The following ARHGAP45 variants were observed in gnomAD, a reference collection of about 807,000 sequenced individuals.
The protein encoded by ARHGAP45 is rho GTPase-activating protein 45.
Under a neutral mutation model 116.1 loss-of-function variants are expected in ARHGAP45, and 56 were observed. The observed-to-expected ratio is 0.48, with a 90% confidence interval of 0.39 to 0.60. The LOEUF (loss-of-function observed/expected upper bound fraction) is 0.60. Ranked by LOEUF, ARHGAP45 falls within the 20% of genes least tolerant of loss-of-function variation. The pLI, the probability that ARHGAP45 is intolerant of heterozygous loss-of-function variation, is 0.00. For synonymous variants in ARHGAP45, 866 were observed against 701.7 expected, an observed-to-expected ratio of 1.23 and a Z score of -3.70; for missense variants, 1,622 against 1,601.0, an observed-to-expected ratio of 1.01 and a Z score of -0.22.
chr19:1,080,955 AG>A lies in ARHGAP45; in HGVS notation c.2085del (p.Leu696CysfsTer106), dbSNP rs1365649881. ...VAVPSGPFRH[E>X]GLSKAARTHR... ...GTGCCCAGTGGACCGTTCCGCCACGAGGGGCTGTCCAAGGCGGCCCGTACTC... is the reference window on the plus strand; with the variant it reads ...GTGCCCAGTGGACCGTTCCGCCACGAGGGCTGTCCAAGGCGGCCCGTACTC... On this transcript the variant is annotated frameshift_variant, in exon 17 of 23. Transcript: ENST00000313093. LOFTEE classifies it high-confidence loss of function. 6.2e-7 allele frequency: 1 copy of A among 1,609,340 alleles called. No individual in the cohort carries two copies. The highest frequency in any genetic ancestry group is 8.5e-7 in the Non-Finnish European group (1 of 1,178,516).
chr19:1,077,620 A>T (rs901718619), intron 10 of ARHGAP45: 2 of 1,386,778 alleles, frequency 1.4e-6, no homozygotes, highest in African/African-American at 2.9e-5. Context: ...TCCTGACCTC[A>T]AGTGATCCAC....
At position 1,072,248 on chromosome 19, in the gene ARHGAP45, C is replaced by T. The variant is rs187064111; in HGVS notation, c.422-901C>T. Among the ~76,000 whole-genome samples, 235 of 152,070 alleles carry T rather than the reference C, an allele frequency of 1.5e-3. 1 individual carries two copies. In the Middle Eastern group the frequency reaches 0.027, roughly 18 times the overall value. On this transcript the variant is annotated intron_variant, in intron 2 of 22. Coordinates refer to ENST00000313093, the MANE Select transcript of ARHGAP45 (RefSeq NM_012292.5). ...CTACTTTTTGTATTTTTAGTAGAGG[C>T]AGGGTTTCGCCATGTTGGCCAGGAT... is the stretch of plus-strand genomic sequence containing the variant.
intron 22 of ARHGAP45, among the ~76,000 whole-genome samples, chr19:1,084,674 G>C (rs1298491416): frequency 1.3e-5 from 2 of 152,230 alleles, no homozygotes; most frequent in Non-Finnish European, 2.9e-5. Context: ...TTCTAGAGAA[G>C]GGCGTGGGGC....
At chr19:1,084,454 C>T in intron 22 of ARHGAP45, 108 bp downstream of exon 22, 1 of 747,590 alleles carries the variant, frequency 1.3e-6, no homozygotes, top group Non-Finnish European at 2.2e-6. Context: ...CACGGTGCTG[C>T]ACATTCTGTG....
intron 2 of ARHGAP45, among the ~76,000 whole-genome samples, chr19:1,072,062 TCTTTC>T (rs1599753303): frequency 1.2e-5 from 1 of 85,788 alleles, no homozygotes; most frequent in East Asian, 2.5e-4. Flanking sequence ...TTCTTTCTTT[TCTTTC>T]CTTTCTTTTT....
In ARHGAP45 at chr19:1,082,822, A is replaced by G. The variant is rs777643483; in HGVS notation, c.2518-18A>G. The G allele has an allele frequency of 1.2e-5, 18 of 1,471,668 alleles. No individual in the cohort carries two copies. The East Asian group carries it at 4.1e-4, about 33-fold the overall frequency. The allele number at this position is 1,471,668 out of a possible 1,614,324, so 91.2% of individuals were successfully genotyped here. On this transcript the variant is annotated intron_variant, in intron 19 of 22. Transcript: ENST00000313093. ...GGGCCAGGCCCACCAACACCTGCTG[A>G]CCCTTGACTCTGCGCAGCTTCCCGA...
At chr19:1,085,517 C>T (rs1236820792) in intron 22 of ARHGAP45, 143 bp from the exon 23 acceptor site, 1 of 630,854 alleles carries the variant, frequency 1.6e-6, no homozygotes, top group African/African-American at 2.2e-5. Flanking sequence ...TCCTCCATCT[C>T]TCCTGTCTCT....
chr19:1,067,622 CGGGA>C, intron 1 of ARHGAP45, 127 bp downstream of exon 1: 3 of 950,076 alleles, frequency 3.2e-6, no homozygotes, highest in South Asian at 1.4e-5. Context: ...CCCTACCGGG[CGGGA>C]CGGCAGGGGC....
rs1472337640 is a variant in ARHGAP45, at chr19:1,067,398, G to A, written c.-8G>A. On this transcript the variant is annotated 5_prime_UTR_variant, in exon 1 of 23. Coordinates refer to ENST00000313093, the MANE Select transcript of ARHGAP45 (RefSeq NM_012292.5). ...CCGCCCCCTCGGGCTCCCGGCCGGG[G>A]CCCCATCATGTTCTCCAGGAAGAAA... 4 of 1,568,936 alleles carry A rather than the reference G, an allele frequency of 2.5e-6. No individual in the cohort carries two copies. The highest frequency in any genetic ancestry group is 3.8e-5 in the Admixed American group (2 of 52,200).
intron 22 of ARHGAP45, among the ~76,000 whole-genome samples, 191 bp from the exon 23 acceptor site, chr19:1,085,463 CTCCCCG>C: frequency 6.7e-6 from 1 of 150,030 alleles, no homozygotes; most frequent in South Asian, 2.1e-4. Flanking sequence ...CTCTCTCCTC[CTCCCCG>C]CCATGTCTCT....
At chr19:1,075,031 C>CG (rs1029269045) in intron 10 of ARHGAP45, 152 bp downstream of exon 10, 10 of 487,362 alleles carry the variant, frequency 2.1e-5, no homozygotes, top group East Asian at 1.5e-4. Context: ...TGGGCCGCCC[C>CG]CCCCAACGCC....
chr19:1,085,696 T>C lies in ARHGAP45; in HGVS notation c.3101T>C (p.Leu1034Pro). 6.3e-7 allele frequency: 1 copy of C among 1,598,806 alleles called. No homozygotes were observed. Among genetic ancestry groups the C allele is most frequent in the Non-Finnish European group, 8.5e-7 (1 of 1,171,032 alleles). Reference protein sequence around the residue: ...RVVSNDSDSDLEEASELLSSS... With the variant: ...RVVSNDSDSDPEEASELLSSS... ...GTGTCCAACGATTCGGACTCGGACC[T>C]AGAGGAGGCCTCCGAGCTGCTGTCC... The change falls in exon 23 of 23, where the codon CTA (leucine) becomes CCA (proline). Residue 1034 changes from leucine to proline, a missense_variant. By Grantham distance (98) the Leu-to-Pro change is moderately conservative. Transcript: ENST00000313093.
In ARHGAP45 at chr19:1,068,254, G is replaced by C. The variant is rs2043075754; in HGVS notation, c.91-160G>C. The C allele has an allele frequency of 3.3e-6, 2 of 604,466 alleles. No individual in the cohort carries two copies. The highest frequency in any genetic ancestry group is 5.7e-6 in the Non-Finnish European group (2 of 353,364). The allele number at this position is 604,466 out of a possible 1,614,324, so 37.4% of individuals were successfully genotyped here. A position where few individuals can be genotyped will look rare whatever the true frequency, so the allele number is the denominator to read the frequency against. ...AGAGGATGTTGGGTAACAGGTGGGG[G>C]GGTACACTACCAAATCTCGGCCCTG... is the stretch of plus-strand genomic sequence containing the variant. On this transcript the variant is annotated intron_variant, in intron 1 of 22. Coordinates refer to ENST00000313093, the MANE Select transcript of ARHGAP45 (RefSeq NM_012292.5). The surrounding 1 kb of genome is among the most constrained non-coding windows in gnomAD (Gnocchi z 7.5).
At position 1,086,070 on chromosome 19, in the gene ARHGAP45, C is replaced by A. The variant is rs1318246963; in HGVS notation, c.*64C>A. 5.0e-6 allele frequency: 7 copies of A among 1,411,452 alleles called. No individual in the cohort carries two copies. Among genetic ancestry groups the A allele is most frequent in the Non-Finnish European group, 6.9e-6 (7 of 1,016,570 alleles). The allele number at this position is 1,411,452 out of a possible 1,614,324, so 87.4% of individuals were successfully genotyped here. A position where few individuals can be genotyped will look rare whatever the true frequency, so the allele number is the denominator to read the frequency against. ...GCCTGCTCCTGTCCCTCCAGCACGT[C>A]CCCTGCACCACGGCATAGCTTAGGT... On this transcript the variant is annotated 3_prime_UTR_variant, in exon 23 of 23. Transcript: ENST00000313093.
chr19:1,077,354 T>TA (rs2043277482), intron 10 of ARHGAP45: 1 of 999,354 alleles, frequency 1.0e-6, no homozygotes. Context: ...AGTGTCCTGT[T>TA]ACGGGTGCCT....
At chr19:1,075,393 C>T (rs946256151) in intron 10 of ARHGAP45, among the ~76,000 whole-genome samples, 28 of 151,894 alleles carry the variant, frequency 1.8e-4, no homozygotes, top group African/African-American at 6.8e-4. Flanking sequence ...TACAGAAGCA[C>T]GCCACCACAC....
At position 1,077,901 on chromosome 19, in the gene ARHGAP45, G is replaced by A. The variant is rs770496791; in HGVS notation, c.1230G>A (p.Val410=). 6.4e-7 allele frequency: 1 copy of A among 1,554,566 alleles called. No homozygotes were observed. Among genetic ancestry groups the A allele is most frequent in the South Asian group, 1.2e-5 (1 of 84,316 alleles). ...SNLRKAKQGY[V]QRCEDHDKAR... is the part of the protein sequence containing the mutation. The stretch of plus-strand genomic sequence containing the variant: ...TGCGCAAGGCCAAGCAGGGTTACGT[G>A]CAGCGCTGCGAGGACCACGACAAGG... The change falls in exon 11 of 23, where the codon GTG becomes GTA. Residue 410 remains valine, a synonymous_variant. Transcript: ENST00000313093.
chr19:1,086,136 A>G lies in ARHGAP45; in HGVS notation c.*130A>G. ...CGCTGCCGAGAGCGCCTGGACTTCG[A>G]CGTCCCACCAGCGGGCGCCTCCTCC... On this transcript the variant is annotated 3_prime_UTR_variant, in exon 23 of 23. Transcript: ENST00000313093. 1 of 810,538 alleles carries G rather than the reference A, an allele frequency of 1.2e-6. No homozygotes were observed. The highest frequency in any genetic ancestry group is 1.9e-6 in the Non-Finnish European group (1 of 521,878). 50.2% of individuals were successfully genotyped at this position (810,538 alleles called of 1,614,324 possible).
chr19:1,073,772 T>C, intron 5 of ARHGAP45, 26 bp downstream of exon 5: 1 of 1,564,510 alleles, frequency 6.4e-7, no homozygotes. Flanking sequence ...CAGGGCCACC[T>C]GTGTCCAGCT....
Sources: gnomAD v4.1 joint callset for allele counts (sites outside exome capture counted in the v4.1 genomes callset) on GRCh38, gnomAD v4.1.1 for gene constraint, Gnocchi (gnomAD v3.1) non-coding constraint, MANE v1.5 for transcripts, NCBI Gene and HGNC (gene_info 2026-07-23, HGNC 2026-07-21) for gene names.